LRP1B: variants seen among roughly 807,000 people sequenced by gnomAD.
The protein encoded by LRP1B is LDL receptor related protein 1B.
LRP1B carries 217 observed loss-of-function variants against 556.6 expected under a neutral mutation model. That is an observed-to-expected ratio of 0.39 (90% CI 0.35 to 0.44). The LOEUF is 0.44. Ranked by LOEUF, LRP1B falls within the 20% of genes least tolerant of loss-of-function variation. The pLI is 1.00. For missense variants in LRP1B, 5,053 were observed against 5,620.8 expected, an observed-to-expected ratio of 0.90 and a Z score of 3.23; for synonymous variants, 2,047 against 1,865.8, an observed-to-expected ratio of 1.10 and a Z score of -2.50.
At chr2:140,454,981 T>G (rs1687037093) in intron 62 of LRP1B, among the ~76,000 whole-genome samples, 1 of 152,198 alleles carries the variant, frequency 6.6e-6, no homozygotes, top group Non-Finnish European at 1.5e-5. Flanking sequence ...CTCAGCAGAC[T>G]GATATATGTA....
At chr2:142,008,892 A>T (rs1302028009) in intron 1 of LRP1B, among the ~76,000 whole-genome samples, 1 of 152,154 alleles carries the variant, frequency 6.6e-6, no homozygotes, top group African/African-American at 2.4e-5. Flanking sequence ...AGCAGGTAGA[A>T]TTCCACATTC....
At chr2:141,234,437 C>T (rs913245751) in intron 5 of LRP1B, among the ~76,000 whole-genome samples, 13 of 151,834 alleles carry the variant, frequency 8.6e-5, no homozygotes, top group Non-Finnish European at 1.5e-4. Flanking sequence ...AGTGCAGTGG[C>T]GTGACCTCAG....
intron 1 of LRP1B, among the ~76,000 whole-genome samples, chr2:142,078,553 C>T (rs1273919084): frequency 6.6e-6 from 1 of 152,088 alleles, no homozygotes; most frequent in Non-Finnish European, 1.5e-5. Context: ...ATTAATGTAT[C>T]CTCTCTCTTC....
At chr2:141,674,691 T>G (rs968375335) in intron 2 of LRP1B, among the ~76,000 whole-genome samples, 1 of 152,028 alleles carries the variant, frequency 6.6e-6, no homozygotes, top group African/African-American at 2.4e-5. Context: ...ATGAGTAATT[T>G]CAGCCTTATA....
chr2:141,530,599 T>C (rs143404125), intron 2 of LRP1B, among the ~76,000 whole-genome samples: 261 of 152,088 alleles, frequency 1.7e-3, no homozygotes, highest in African/African-American at 6.0e-3. Context: ...AGCCAATAAA[T>C]TCAGATAACG....
chr2:141,159,657 T>A (rs1401444699), intron 7 of LRP1B, among the ~76,000 whole-genome samples: 1 of 152,146 alleles, frequency 6.6e-6, no homozygotes, highest in African/African-American at 2.4e-5. Flanking sequence ...TTTGGGGCTA[T>A]TAACATGCTT....
At chr2:140,377,572 G>A (rs563596058) in intron 68 of LRP1B, among the ~76,000 whole-genome samples, 56 of 152,134 alleles carry the variant, frequency 3.7e-4, no homozygotes, top group African/African-American at 1.1e-3. Context: ...GAAACATAAG[G>A]ACATAAATGC....
chr2:142,125,736 C>G (rs576992508), intron 1 of LRP1B, among the ~76,000 whole-genome samples: 1 of 151,912 alleles, frequency 6.6e-6, no homozygotes, highest in South Asian at 2.1e-4. Context: ...TTGGGAATAG[C>G]TATCCATGTG....
At chr2:140,351,633 A>G (rs1226614058) in intron 76 of LRP1B, among the ~76,000 whole-genome samples, 1 of 152,088 alleles carries the variant, frequency 6.6e-6, no homozygotes, top group Non-Finnish European at 1.5e-5. Flanking sequence ...GACACCTACA[A>G]TAGAGTACTA....
rs546133785 is a variant in LRP1B at position 141,095,501 on chromosome 2, TTC to T, written c.1014-33230_1014-33229del. Among the ~76,000 whole-genome samples, 3 of 151,698 alleles carry T rather than the reference TTC, an allele frequency of 2.0e-5. No homozygotes were observed. The South Asian group carries it at 6.3e-4, about 32-fold the overall frequency. On this transcript the variant is annotated intron_variant, in intron 7 of 90. Coordinates refer to ENST00000389484, the MANE Select transcript of LRP1B (RefSeq NM_018557.3). ...TTCCCCTAGAATTTAATTTTTTTTT[TTC>T]TAGAGGAAACTCAAGGAATTCTGCT...
At chr2:140,290,961 T>C (rs888088984) in intron 84 of LRP1B, among the ~76,000 whole-genome samples, 3 of 152,018 alleles carry the variant, frequency 2.0e-5, no homozygotes, top group Non-Finnish European at 4.4e-5. Context: ...CTGCTTAATC[T>C]CATGTTGTTG....
chr2:141,731,800 A>G (rs1693284254), intron 2 of LRP1B, among the ~76,000 whole-genome samples: 1 of 152,150 alleles, frequency 6.6e-6, no homozygotes, highest in Non-Finnish European at 1.5e-5. Context: ...AGGTTGTTGT[A>G]GGGAAGGGTT....
intron 35 of LRP1B, among the ~76,000 whole-genome samples, chr2:140,719,643 T>C (rs1559075020): frequency 6.6e-6 from 1 of 152,044 alleles, no homozygotes; most frequent in Non-Finnish European, 1.5e-5. Context: ...TTTCTCAATA[T>C]AGTCACATGT....
chr2:141,525,040 G>GT (rs1684650539), intron 2 of LRP1B, among the ~76,000 whole-genome samples: 3 of 151,762 alleles, frequency 2.0e-5, no homozygotes, highest in Non-Finnish European at 4.4e-5. Context: ...ATCGACTCTT[G>GT]TTTTTTTGTT....
At chr2:140,321,937 T>C (rs2105052998) in intron 82 of LRP1B, 26 bp downstream of exon 82, 1 of 1,592,916 alleles carries the variant, frequency 6.3e-7, no homozygotes, top group Non-Finnish European at 8.5e-7. Context: ...TAATTCATTA[T>C]TTACAGAATA....
At chr2:141,210,395 G>A (rs1473742063) in intron 6 of LRP1B, among the ~76,000 whole-genome samples, 1 of 151,938 alleles carries the variant, frequency 6.6e-6, no homozygotes, top group African/African-American at 2.4e-5. Flanking sequence ...TGCCACAAAA[G>A]TAATAATTTC....
chr2:141,140,052 C>A (rs1045017664), intron 7 of LRP1B, among the ~76,000 whole-genome samples: 1 of 151,822 alleles, frequency 6.6e-6, no homozygotes, highest in Non-Finnish European at 1.5e-5. Flanking sequence ...CATGATGAAT[C>A]TCAAAATAAC....
intron 23 of LRP1B, among the ~76,000 whole-genome samples, chr2:140,896,318 A>G (rs111756451): frequency 8.5e-5 from 13 of 152,088 alleles, no homozygotes; most frequent in African/African-American, 1.4e-4. Flanking sequence ...ATATCATTTT[A>G]TATAATAAGA....
intron 1 of LRP1B, among the ~76,000 whole-genome samples, chr2:141,928,451 AAAC>A (rs1240781736): frequency 2.6e-5 from 4 of 152,192 alleles, no homozygotes; most frequent in East Asian, 1.9e-4. Flanking sequence ...AAAGGCTTTG[AAAC>A]AACAACTGTC....
Sources: gnomAD v4.1 joint callset for allele counts (sites outside exome capture counted in the v4.1 genomes callset) on GRCh38, gnomAD v4.1.1 for gene constraint, MANE v1.5 for transcripts, NCBI Gene and HGNC (gene_info 2026-07-23, HGNC 2026-07-21) for gene names.